Variants in GNAQ observed in about 807,000 individuals in gnomAD.
The protein encoded by GNAQ is G protein subunit alpha q.
A neutral mutation model predicts 43.9 loss-of-function variants in GNAQ; 8 were observed. The ratio of observed to expected loss-of-function variants is 0.18; its 90% CI spans 0.11 to 0.33. The LOEUF (loss-of-function observed/expected upper bound fraction) is 0.33, where lower values mean the gene tolerates loss of function less well. GNAQ is among the 10% of genes least tolerant of loss of function. GNAQ has a pLI of 1.00. For missense variants in GNAQ, 158 were observed against 450.8 expected (o/e 0.35, Z 5.88); for synonymous variants, 155 against 170.7 (o/e 0.91, Z 0.71).
chr9:77,930,178 C>T (rs114485711), intron 1 of GNAQ, among the ~76,000 whole-genome samples: 1 of 152,162 alleles, frequency 6.6e-6, no homozygotes, highest in Non-Finnish European at 1.5e-5. Flanking sequence ...CCAGCTGACA[C>T]ATCCACAGAC....
chr9:77,991,234 C>T (rs1823503126), intron 1 of GNAQ, among the ~76,000 whole-genome samples: 1 of 152,194 alleles, frequency 6.6e-6, no homozygotes, highest in Admixed American at 6.5e-5. Context: ...ACAGACAGCT[C>T]GTGTGGTAAC....
chr9:77,813,116 G>A (rs970180369), intron 3 of GNAQ, among the ~76,000 whole-genome samples: 4 of 151,846 alleles, frequency 2.6e-5, no homozygotes, highest in African/African-American at 9.7e-5. Flanking sequence ...GGTTTCACCT[G>A]TCTATTGGTC....
chr9:78,016,638 C>G (rs1460163095), intron 1 of GNAQ, among the ~76,000 whole-genome samples: 1 of 151,408 alleles, frequency 6.6e-6, no homozygotes, highest in African/African-American at 2.4e-5. Flanking sequence ...GCCAAGATCA[C>G]GCCACTGCAC....
chr9:77,815,853 C>T (rs1827004761), intron 2 of GNAQ, 83 bp from the exon 3 acceptor site: 2 of 793,322 alleles, frequency 2.5e-6, no homozygotes, highest in African/African-American at 3.5e-5. Flanking sequence ...ATATACAATT[C>T]AGGTAACACC....
intron 5 of GNAQ, among the ~76,000 whole-genome samples, chr9:77,758,775 T>C (rs11145555): frequency 0.037 from 5,572 of 152,284 alleles, 323 homozygotes; most frequent in African/African-American, 0.12. Context: ...TTTAAAGAGC[T>C]TGAGTAATTT....
At chr9:77,891,990 T>C (rs185826108) in intron 2 of GNAQ, among the ~76,000 whole-genome samples, 1 of 152,318 alleles carries the variant, frequency 6.6e-6, no homozygotes, top group East Asian at 1.9e-4. Context: ...CCCTGCCTTT[T>C]TTCAAAAGCC....
intron 1 of GNAQ, among the ~76,000 whole-genome samples, chr9:77,950,375 G>A (rs572827041): frequency 4.7e-4 from 71 of 152,256 alleles, no homozygotes; most frequent in African/African-American, 1.5e-3. Context: ...ACCTGATGCA[G>A]GAAAACAGGT....
Position 77,728,506 on chromosome 9 carries a change from T to C in GNAQ, c.889+8A>G. 6.3e-7 allele frequency: 1 copy of C among 1,593,680 alleles called. No homozygotes were observed. The highest frequency in any genetic ancestry group is 8.6e-7 in the Non-Finnish European group (1 of 1,163,018). ...AGCTACTGAGCTGTGGTATGAGTGC[T>C]GACTTACCATCATATTCTGGGAAGT... On this transcript the variant is annotated splice_region_variant and intron_variant, in intron 6 of 6. Coordinates refer to ENST00000286548, the MANE Select transcript of GNAQ (RefSeq NM_002072.5).
At chr9:77,723,743 A>T (rs569888227) in intron 6 of GNAQ, among the ~76,000 whole-genome samples, 1 of 152,216 alleles carries the variant, frequency 6.6e-6, no homozygotes, top group Non-Finnish European at 1.5e-5. Flanking sequence ...GTAAACTCAT[A>T]AAGACAGAAA....
chr9:77,943,177 T>C (rs531252262), intron 1 of GNAQ, among the ~76,000 whole-genome samples: 2 of 152,220 alleles, frequency 1.3e-5, no homozygotes, highest in African/African-American at 4.8e-5. Flanking sequence ...CAGGTCAACA[T>C]AGATTTGAAG....
In GNAQ at chr9:78,017,583, C is replaced by G. The variant is rs533891501; in HGVS notation, c.136+13517G>C. Among the ~76,000 whole-genome samples the G allele has an allele frequency of 2.0e-5, 3 of 152,174 alleles. No individual in the cohort carries two copies. The South Asian group carries it at 6.2e-4, about 32-fold the overall frequency. ...ACACTACATTCAATCTAGTTTTGTC[C>G]ATAACAATGGCAGTAAATCTAGCTT... On this transcript the variant is annotated intron_variant, in intron 1 of 6. Transcript: ENST00000286548.
chr9:77,953,011 T>C (rs774619403), intron 1 of GNAQ, among the ~76,000 whole-genome samples: 18 of 152,236 alleles, frequency 1.2e-4, no homozygotes, highest in Non-Finnish European at 2.5e-4. Flanking sequence ...TCAAGCTACA[T>C]TATTGATAAA....
intron 1 of GNAQ, among the ~76,000 whole-genome samples, chr9:78,026,572 ATTG>A (rs1823982969): frequency 6.6e-6 from 1 of 152,202 alleles, no homozygotes; most frequent in Non-Finnish European, 1.5e-5. Context: ...AGCTGCTGTT[ATTG>A]AGGTTACTTA....
intron 5 of GNAQ, among the ~76,000 whole-genome samples, chr9:77,768,065 G>C (rs193047853): frequency 9.2e-5 from 14 of 152,154 alleles, no homozygotes; most frequent in Middle Eastern, 3.4e-3. Flanking sequence ...CACATATATT[G>C]TTACTGAATC....
intron 2 of GNAQ, among the ~76,000 whole-genome samples, chr9:77,917,946 C>G (rs1828937967): frequency 6.6e-6 from 1 of 152,160 alleles, no homozygotes. Context: ...ACTAATTATG[C>G]AATCTGTTGA....
chr9:77,964,189 A>T (rs1182259975), intron 1 of GNAQ, among the ~76,000 whole-genome samples: 1 of 152,238 alleles, frequency 6.6e-6, no homozygotes, highest in African/African-American at 2.4e-5. Context: ...ATCATTTCAT[A>T]ATGATAAACC....
chr9:78,020,358 TTTC>T (rs1320457173), intron 1 of GNAQ, among the ~76,000 whole-genome samples: 4 of 152,032 alleles, frequency 2.6e-5, no homozygotes, highest in African/African-American at 9.7e-5. Flanking sequence ...TGTTGCAAAT[TTTC>T]TTTATACTCT....
At chr9:77,882,943 A>G (rs151048726) in intron 2 of GNAQ, among the ~76,000 whole-genome samples, 1 of 152,300 alleles carries the variant, frequency 6.6e-6, no homozygotes, top group Non-Finnish European at 1.5e-5. Context: ...TATTGTTGTT[A>G]CCAAACACAT....
chr9:77,843,288 C>T (rs1006060360), intron 2 of GNAQ, among the ~76,000 whole-genome samples: 10 of 152,038 alleles, frequency 6.6e-5, no homozygotes, highest in African/African-American at 1.9e-4. Context: ...GAGCATTAGG[C>T]GGGAGGGAGG....
Sources: gnomAD v4.1 joint callset for allele counts (sites outside exome capture counted in the v4.1 genomes callset) on GRCh38, gnomAD v4.1.1 for gene constraint, MANE v1.5 for transcripts, NCBI Gene and HGNC (gene_info 2026-07-23, HGNC 2026-07-21) for gene names.